AGO2: variants seen among roughly 807,000 people sequenced by gnomAD.
The protein encoded by AGO2 is protein argonaute-2.
A neutral mutation model predicts 102.3 loss-of-function variants in AGO2; 5 were observed. The observed-to-expected ratio is 0.05, with a 90% CI of 0.03 to 0.10. The LOEUF is 0.10. AGO2 is among the 10% of genes least tolerant of loss of function. The probability of loss-of-function intolerance (pLI) is 1.00; values close to 1 mark genes in which losing one functional copy is unlikely to be tolerated. For synonymous variants in AGO2, 449 were observed against 473.1 expected, an observed-to-expected ratio of 0.95 and a Z score of 0.66; for missense variants, 541 against 1,183.7, an observed-to-expected ratio of 0.46 and a Z score of 7.97.
At chr8:140,618,697 G>C (rs1425976998) in intron 1 of AGO2, among the ~76,000 whole-genome samples, 5 of 151,316 alleles carry the variant, frequency 3.3e-5, no homozygotes, top group Admixed American at 3.3e-4. Flanking sequence ...GGGTGGCGGG[G>C]TGCACCTGCA....
In AGO2 at chr8:140,531,739, G is replaced by C. The variant is rs2072597974; in HGVS notation, c.*305C>G. On this transcript the variant is annotated 3_prime_UTR_variant, in exon 19 of 19. Coordinates refer to ENST00000220592, the MANE Select transcript of AGO2 (RefSeq NM_012154.5). ...CCAAATAAATTAAAAATGTTTTAAA[G>C]CCCTGAGTTCATAGACTGGTTTTAG... 1 of 238,942 alleles carries C rather than the reference G, an allele frequency of 4.2e-6. No homozygotes were observed. Among genetic ancestry groups the C allele is most frequent in the Admixed American group, 4.9e-5 (1 of 20,330 alleles). 14.8% of individuals were successfully genotyped at this position (238,942 alleles called of 1,614,324 possible).
chr8:140,636,343 T>TC (rs2074408865), upstream of AGO2: 1 of 152,246 alleles, frequency 6.6e-6, no homozygotes, highest in South Asian at 2.1e-4. Flanking sequence ...ATTCCAGCAG[T>TC]CAGGGGCCTG....
intron 4 of AGO2, 59 bp downstream of exon 4, chr8:140,562,394 G>A (rs774089778): frequency 7.7e-6 from 12 of 1,553,876 alleles, no homozygotes; most frequent in Admixed American, 5.4e-5. Context: ...CAGACCCTGC[G>A]GGGGGCCCTC....
chr8:140,590,359 G>T (rs2073729446), intron 1 of AGO2, among the ~76,000 whole-genome samples: 1 of 152,208 alleles, frequency 6.6e-6, no homozygotes, highest in Admixed American at 6.5e-5. Context: ...TCGCACTTTG[G>T]GGGTCCCAGG....
intron 1 of AGO2, among the ~76,000 whole-genome samples, chr8:140,630,862 T>TG (rs940653169): frequency 7.2e-5 from 11 of 152,282 alleles, no homozygotes; most frequent in Non-Finnish European, 1.2e-4. Flanking sequence ...CGTAACAGCC[T>TG]GGGCAACATG....
intron 1 of AGO2, among the ~76,000 whole-genome samples, chr8:140,632,733 G>A (rs533312101): frequency 1.3e-5 from 2 of 152,090 alleles, no homozygotes; most frequent in Non-Finnish European, 2.9e-5. Flanking sequence ...TTCAAAAAAC[G>A]AAAAAATAGT....
At chr8:140,626,117 CGG>C (rs56192856) in intron 1 of AGO2, among the ~76,000 whole-genome samples, 1 of 151,954 alleles carries the variant, frequency 6.6e-6, no homozygotes, top group Admixed American at 6.5e-5. Flanking sequence ...GTTCATGGCC[CGG>C]GGGGGCACAG....
chr8:140,631,559 A>C (rs1484325142), intron 1 of AGO2, among the ~76,000 whole-genome samples: 2 of 152,108 alleles, frequency 1.3e-5, no homozygotes, highest in Non-Finnish European at 2.9e-5. Context: ...AAGAAAAAAA[A>C]GAAGACGTAA....
At chr8:140,591,437 T>G (rs1173542648) in intron 1 of AGO2, among the ~76,000 whole-genome samples, 1 of 152,224 alleles carries the variant, frequency 6.6e-6, no homozygotes, top group Non-Finnish European at 1.5e-5. Context: ...ATCAGACTGA[T>G]GATCATCCCT....
At chr8:140,549,029 A>G in intron 12 of AGO2, 85 bp downstream of exon 12, 1 of 1,476,696 alleles carries the variant, frequency 6.8e-7, no homozygotes, top group Non-Finnish European at 9.0e-7. Flanking sequence ...TCAGTGCAGC[A>G]GAAACACAGA....
intron 1 of AGO2, among the ~76,000 whole-genome samples, chr8:140,608,849 C>T (rs929708636): frequency 1.3e-5 from 2 of 152,216 alleles, no homozygotes; most frequent in African/African-American, 4.8e-5. Context: ...GTCTGGATAC[C>T]TGAATCAGCC....
intron 4 of AGO2, among the ~76,000 whole-genome samples, chr8:140,560,970 G>A (rs1044952275): frequency 5.3e-5 from 8 of 152,248 alleles, no homozygotes; most frequent in Non-Finnish European, 8.8e-5. Flanking sequence ...CTGGCCAGTG[G>A]CTGTCCACGC....
intron 1 of AGO2, among the ~76,000 whole-genome samples, chr8:140,607,380 T>C (rs1234222636): frequency 1.3e-5 from 2 of 150,998 alleles, no homozygotes; most frequent in Admixed American, 6.6e-5. Context: ...GTGCTATGAC[T>C]GTACCTGTGA....
intron 11 of AGO2, among the ~76,000 whole-genome samples, chr8:140,549,823 C>T (rs992044473): frequency 3.9e-5 from 6 of 152,212 alleles, no homozygotes; most frequent in Non-Finnish European, 5.9e-5. Context: ...AGCCCGCAGC[C>T]TGAGGAGTGG....
At chr8:140,614,350 C>T (rs772815428) in intron 1 of AGO2, among the ~76,000 whole-genome samples, 8 of 152,076 alleles carry the variant, frequency 5.3e-5, no homozygotes, top group Non-Finnish European at 1.0e-4. Context: ...AAAGGCAGGA[C>T]TCAAGTCAAT....
intron 3 of AGO2, among the ~76,000 whole-genome samples, chr8:140,569,228 G>A (rs573338657): frequency 8.8e-4 from 134 of 152,350 alleles, no homozygotes; most frequent in African/African-American, 3.1e-3. Context: ...TGAACTCTGT[G>A]CGTGGCTGTC....
chr8:140,539,234 G>A lies in AGO2; in HGVS notation c.2169+86C>T, dbSNP rs140010906. Reference sequence around the variant, plus strand: ...TAGAGCCTGGGACAGCGGCACTGTGGCCAGCAGGTTCTCTTGTGAGTGTGC... The same window carrying A: ...TAGAGCCTGGGACAGCGGCACTGTGACCAGCAGGTTCTCTTGTGAGTGTGC... On this transcript the variant is annotated intron_variant, in intron 16 of 18. Coordinates refer to ENST00000220592, the MANE Select transcript of AGO2 (RefSeq NM_012154.5). The surrounding 1 kb of genome is among the most constrained non-coding windows in gnomAD (Gnocchi z 4.7). 3,039 of 1,476,416 alleles carry A rather than the reference G, an allele frequency of 2.1e-3. 51 individuals are homozygous for A. The African/African-American group carries it at 0.043, about 21-fold the overall frequency. 91.5% of individuals were successfully genotyped at this position (1,476,416 alleles called of 1,614,324 possible). A position where few individuals can be genotyped will look rare whatever the true frequency, so the allele number is the denominator to read the frequency against.
In AGO2 at chr8:140,530,035, A is replaced by G. The variant is rs1588429514; in HGVS notation, c.*2009T>C. On this transcript the variant is annotated 3_prime_UTR_variant, in exon 19 of 19. Transcript: ENST00000220592. Reference sequence around the variant, plus strand: ...AGGAGAAAGTGCCACTTGCCACTAAAACAAAAGGAACTGCCATTTCTTAGA... The same window carrying G: ...AGGAGAAAGTGCCACTTGCCACTAAGACAAAAGGAACTGCCATTTCTTAGA... 6.6e-6 allele frequency: 1 copy of G among 152,160 alleles called. No homozygotes were observed. Among genetic ancestry groups the G allele is most frequent in the African/African-American group, 2.4e-5 (1 of 41,416 alleles). 9.4% of individuals were successfully genotyped at this position (152,160 alleles called of 1,614,324 possible).
chr8:140,559,299 T>C, intron 6 of AGO2, 96 bp downstream of exon 6: 2 of 1,489,462 alleles, frequency 1.3e-6, no homozygotes, highest in South Asian at 1.3e-5. Flanking sequence ...CCTCCCCAAA[T>C]GCGCACAAGA....
Sources: allele counts gnomAD v4.1 joint callset (sites outside exome capture counted in the v4.1 genomes callset), GRCh38; gene constraint gnomAD v4.1.1; non-coding constraint Gnocchi (gnomAD v3.1); transcripts MANE v1.5; gene names NCBI Gene and HGNC (gene_info 2026-07-23, HGNC 2026-07-21).